The following RASAL2 variants were observed in gnomAD, a reference collection of about 807,000 sequenced individuals.
RASAL2 encodes the protein ras GTPase-activating protein nGAP.
Under a neutral mutation model 128.9 loss-of-function variants are expected in RASAL2, and 58 were observed. That is an observed-to-expected ratio of 0.45 (90% CI 0.36 to 0.56). The LOEUF (loss-of-function observed/expected upper bound fraction) is 0.56. RASAL2 is among the 20% of genes least tolerant of loss of function. RASAL2 has a pLI of 0.00. For synonymous variants in RASAL2, 561 were observed against 580.8 expected, an observed-to-expected ratio of 0.97 and a Z score of 0.49; for missense variants, 1,360 against 1,601.6, an observed-to-expected ratio of 0.85 and a Z score of 2.57.
At chr1:178,238,444 A>G (rs1664351374) in intron 1 of RASAL2, among the ~76,000 whole-genome samples, 1 of 152,184 alleles carries the variant, frequency 6.6e-6, no homozygotes, top group Admixed American at 6.5e-5. Context: ...GTATTTTGCA[A>G]ACAGTGTATT....
intron 1 of RASAL2, among the ~76,000 whole-genome samples, chr1:178,253,568 G>A (rs574908456): frequency 6.6e-6 from 1 of 152,266 alleles, no homozygotes; most frequent in Admixed American, 6.5e-5. Context: ...GGTGCAGGCG[G>A]GTGAGTCCGA....
chr1:178,180,280 A>G (rs1386360406), intron 1 of RASAL2, among the ~76,000 whole-genome samples: 1 of 152,070 alleles, frequency 6.6e-6, no homozygotes, highest in Admixed American at 6.6e-5. Flanking sequence ...CACACAGGGA[A>G]GACAATGCAT....
chr1:178,125,509 C>G (rs1659863295), intron 1 of RASAL2: 2 of 151,972 alleles, frequency 1.3e-5, no homozygotes, highest in African/African-American at 4.8e-5. Context: ...CTGGTGAGGG[C>G]CTCAAAAAGC....
chr1:178,424,083 T>C (rs1460032891), intron 5 of RASAL2, among the ~76,000 whole-genome samples: 1 of 152,158 alleles, frequency 6.6e-6, no homozygotes, highest in Non-Finnish European at 1.5e-5. Context: ...CTGTTTCTTG[T>C]TAAATTCTTC....
chr1:178,387,059 G>T (rs1023926465), intron 3 of RASAL2, among the ~76,000 whole-genome samples: 8 of 152,120 alleles, frequency 5.3e-5, no homozygotes, highest in Admixed American at 3.3e-4. Context: ...GGTACTTGGG[G>T]TATTTATTTT....
At chr1:178,254,107 C>G (rs1316410574) in intron 1 of RASAL2, among the ~76,000 whole-genome samples, 1 of 152,220 alleles carries the variant, frequency 6.6e-6, no homozygotes, top group Non-Finnish European at 1.5e-5. Context: ...GACTGGCCTA[C>G]TTTCAGTTCC....
intron 3 of RASAL2, among the ~76,000 whole-genome samples, chr1:178,373,274 C>CTTTTTTTTTTTT (rs60835442): frequency 0.041 from 2,440 of 59,112 alleles, 256 homozygotes; most frequent in Non-Finnish European, 0.055. Flanking sequence ...TGTTTCTTTC[C>CTTTTTTTTTTTT]TTTTTTTTTT....
rs2102215112 is a variant in RASAL2, at chr1:178,283,614, A to C, written c.253A>C (p.Thr85Pro). Reference protein sequence around the residue: ...HRLSCGQSPYTETTTWERKYC... With the variant: ...HRLSCGQSPYPETTTWERKYC... ...TCTGTCTTGTGGTCAGTCACCCTACACCGAGACAACAACGTGGGAGCGGAA... is the reference window on the plus strand; with the variant it reads ...TCTGTCTTGTGGTCAGTCACCCTACCCCGAGACAACAACGTGGGAGCGGAA... Residue 85 changes from threonine to proline, a missense_variant, in exon 2 of 18, where the codon ACC (threonine) becomes CCC (proline). Physicochemically the swap from Thr to Pro is conservative, Grantham distance 38. Coordinates refer to ENST00000367649, the MANE Select transcript of RASAL2 (RefSeq NM_170692.4). The C allele has an allele frequency of 6.2e-7, 1 of 1,613,996 alleles. No individual in the cohort carries two copies.
chr1:178,426,580 A>G (rs1675528712), intron 5 of RASAL2, among the ~76,000 whole-genome samples: 1 of 152,084 alleles, frequency 6.6e-6, no homozygotes, highest in Admixed American at 6.6e-5. Flanking sequence ...AATTTATATC[A>G]TCGTGACATA....
chr1:178,226,011 A>G (rs530159993), intron 1 of RASAL2, among the ~76,000 whole-genome samples: 8 of 152,164 alleles, frequency 5.3e-5, no homozygotes, highest in Non-Finnish European at 8.8e-5. Flanking sequence ...ATCTTGATAC[A>G]GTTTTCTCTT....
intron 1 of RASAL2, among the ~76,000 whole-genome samples, chr1:178,199,197 G>A (rs1276860815): frequency 6.6e-6 from 1 of 152,212 alleles, no homozygotes; most frequent in East Asian, 1.9e-4. Flanking sequence ...CGATTTCCTA[G>A]TACAGTCTGT....
chr1:178,108,213 A>G (rs935168245), intron 1 of RASAL2, among the ~76,000 whole-genome samples: 1 of 152,184 alleles, frequency 6.6e-6, no homozygotes, highest in Admixed American at 6.5e-5. Context: ...GATATTGAGC[A>G]TATTTTTATT....
At chr1:178,361,714 G>A (rs1671117017) in intron 3 of RASAL2, among the ~76,000 whole-genome samples, 1 of 151,984 alleles carries the variant, frequency 6.6e-6, no homozygotes. Context: ...GGGGGTGGGG[G>A]TTGGTTTTGG....
chr1:178,241,576 A>T (rs1387399360), intron 1 of RASAL2, among the ~76,000 whole-genome samples: 1 of 152,168 alleles, frequency 6.6e-6, no homozygotes, highest in East Asian at 1.9e-4. Flanking sequence ...TCCATCTTTA[A>T]TTTAACTAGA....
intron 1 of RASAL2, among the ~76,000 whole-genome samples, chr1:178,207,363 A>G (rs890598223): frequency 1.3e-5 from 2 of 152,210 alleles, no homozygotes; most frequent in African/African-American, 4.8e-5. Flanking sequence ...AAAAAGTAAT[A>G]ATAACAATAA....
At chr1:178,363,087 A>G (rs1283758954) in intron 3 of RASAL2, among the ~76,000 whole-genome samples, 1 of 152,040 alleles carries the variant, frequency 6.6e-6, no homozygotes, top group East Asian at 1.9e-4. Context: ...AAACCTCCAT[A>G]CTGTTTTCCA....
At chr1:178,371,322 C>CCA (rs370972772) in intron 3 of RASAL2, among the ~76,000 whole-genome samples, 4,016 of 124,424 alleles carry the variant, frequency 0.032, 69 homozygotes, top group African/African-American at 0.058. Flanking sequence ...GCCTTCTTTC[C>CCA]CACACACACA....
At position 178,473,234 on chromosome 1, in the gene RASAL2, T is replaced by A; in HGVS notation, c.3838T>A (p.Cys1280Ser). ...TENGEFKNSSC is the reference protein window; with the variant it reads ...TENGEFKNSSS ...GAATGGTGAATTCAAAAACAGCAGC[T>A]GCTGACGGGCTTTGTCTGTGGAAGG... The change falls in exon 18 of 18, where the codon TGC (cysteine) becomes AGC (serine). Residue 1280 changes from cysteine (C) to serine (S), a missense_variant. Around this residue, in one of 3 missense-constraint regions of RASAL2, gnomAD observed 741 missense variants for 868.6 expected, o/e 0.85. Coordinates refer to ENST00000367649, the MANE Select transcript of RASAL2 (RefSeq NM_170692.4). 1.2e-6 allele frequency: 2 copies of A among 1,614,186 alleles called. No homozygotes were observed. Among genetic ancestry groups the A allele is most frequent in the Non-Finnish European group, 1.7e-6 (2 of 1,180,026 alleles).
intron 1 of RASAL2, among the ~76,000 whole-genome samples, chr1:178,162,156 G>C (rs1488995169): frequency 6.8e-6 from 1 of 148,086 alleles, no homozygotes; most frequent in African/African-American, 2.5e-5. Context: ...TAGTAGAGAC[G>C]GGGTTTCACC....
Sources: gnomAD v4.1 joint callset for allele counts (sites outside exome capture counted in the v4.1 genomes callset) on GRCh38, gnomAD v4.1.1 for gene constraint, gnomAD v4.1.1 regional missense constraint, MANE v1.5 for transcripts, NCBI Gene and HGNC (gene_info 2026-07-23, HGNC 2026-07-21) for gene names.